The following DOK5 variants were observed in gnomAD, a reference collection of about 807,000 sequenced individuals.
The protein encoded by DOK5 is docking protein 5.
DOK5 carries 27 observed loss-of-function variants against 43.3 expected under a neutral mutation model. That is an observed-to-expected ratio of 0.62 (90% CI 0.46 to 0.86). The LOEUF (loss-of-function observed/expected upper bound fraction) is 0.86, where lower values mean the gene tolerates loss of function less well. DOK5 is among the 40% of genes least tolerant of loss of function. The pLI, the probability that DOK5 is intolerant of heterozygous loss-of-function variation, is 0.00. For synonymous variants in DOK5, 146 were observed against 140.1 expected (o/e 1.04, Z -0.30); for missense variants, 373 against 392.9 (o/e 0.95, Z 0.43).
intron 1 of DOK5, among the ~76,000 whole-genome samples, chr20:54,522,543 A>G (rs1983443182): frequency 6.8e-6 from 1 of 147,636 alleles, no homozygotes; most frequent in Non-Finnish European, 1.5e-5. Context: ...TTTTTGAGAC[A>G]GAGCCTCGCT....
intron 2 of DOK5, among the ~76,000 whole-genome samples, chr20:54,581,671 A>G (rs1370436111): frequency 6.6e-6 from 1 of 151,800 alleles, no homozygotes; most frequent in African/African-American, 2.4e-5. Context: ...TAATTTTCTT[A>G]ATTTTCTTTT....
At chr20:54,576,516 A>T (rs962042027) in intron 2 of DOK5, among the ~76,000 whole-genome samples, 1 of 152,220 alleles carries the variant, frequency 6.6e-6, no homozygotes, top group African/African-American at 2.4e-5. Context: ...GGCCATAATG[A>T]CCAGGAAGGG....
intron 2 of DOK5, among the ~76,000 whole-genome samples, chr20:54,559,578 C>T (rs564144649): frequency 3.2e-4 from 49 of 152,320 alleles, no homozygotes; most frequent in African/African-American, 1.1e-3. Context: ...GCAACTGCAA[C>T]GTTTATGGCC....
At chr20:54,592,680 A>T (rs751126910) in intron 5 of DOK5, among the ~76,000 whole-genome samples, 1 of 151,678 alleles carries the variant, frequency 6.6e-6, no homozygotes, top group Non-Finnish European at 1.5e-5. Context: ...AGCTGGGACT[A>T]CAGGTGCCCG....
intron 6 of DOK5, among the ~76,000 whole-genome samples, chr20:54,615,725 C>T (rs1159398073): frequency 1.3e-5 from 2 of 152,132 alleles, no homozygotes; most frequent in African/African-American, 4.8e-5. Context: ...GCCTGGCCAA[C>T]ATGGTGAAAC....
chr20:54,637,999 G>A (rs1978914547), intron 6 of DOK5, among the ~76,000 whole-genome samples: 1 of 151,988 alleles, frequency 6.6e-6, no homozygotes. Flanking sequence ...GCGGGCACCT[G>A]TAGTCCCAGT....
chr20:54,481,035 C>CTATCTATCATCTATCATCT (rs1256894022), intron 1 of DOK5, among the ~76,000 whole-genome samples: 1 of 119,436 alleles, frequency 8.4e-6, no homozygotes, highest in African/African-American at 4.1e-5. Flanking sequence ...ATCTATCTAT[C>CTATCTATCATCTATCATCT]ATCTATCTAT....
chr20:54,526,194 G>T (rs1271063792), intron 1 of DOK5, among the ~76,000 whole-genome samples: 2 of 150,862 alleles, frequency 1.3e-5, no homozygotes, highest in Non-Finnish European at 2.9e-5. Context: ...GTTTGATGAG[G>T]TCAGATTTCA....
chr20:54,631,218 G>A (rs1425727711), intron 6 of DOK5, among the ~76,000 whole-genome samples: 3 of 152,020 alleles, frequency 2.0e-5, no homozygotes, highest in Non-Finnish European at 4.4e-5. Context: ...AAAAATATTG[G>A]CCCTGGCAAC....
chr20:54,566,993 CTCTT>C (rs1440707867), intron 2 of DOK5, among the ~76,000 whole-genome samples: 1 of 151,846 alleles, frequency 6.6e-6, no homozygotes, highest in Non-Finnish European at 1.5e-5. Context: ...TATGAAATGT[CTCTT>C]TATGTATTTG....
chr20:54,577,722 C>T (rs1464748819), intron 2 of DOK5, among the ~76,000 whole-genome samples: 1 of 152,200 alleles, frequency 6.6e-6, no homozygotes, highest in Non-Finnish European at 1.5e-5. Flanking sequence ...GATTGATTGG[C>T]TGTGAGTGTA....
intron 1 of DOK5, among the ~76,000 whole-genome samples, chr20:54,488,449 C>T (rs1048195656): frequency 3.9e-5 from 6 of 152,126 alleles, no homozygotes; most frequent in South Asian, 2.1e-4. Context: ...TAGAACATCA[C>T]GTAATTTAAA....
chr20:54,529,305 A>G (rs1983683426), intron 1 of DOK5, among the ~76,000 whole-genome samples: 1 of 152,214 alleles, frequency 6.6e-6, no homozygotes, highest in African/African-American at 2.4e-5. Context: ...TGCAGTTTTA[A>G]TATTCTAAAC....
intron 1 of DOK5, among the ~76,000 whole-genome samples, chr20:54,476,449 G>A (rs377750961): frequency 7.9e-5 from 12 of 152,264 alleles, no homozygotes; most frequent in African/African-American, 2.9e-4. Flanking sequence ...TGTGAACGAG[G>A]TCACGAACCC....
rs371959416 is a variant in DOK5 at position 54,563,853 on chromosome 20, C to G, written c.174+8813C>G. Among the ~76,000 whole-genome samples, 147 of 152,060 alleles carry G rather than the reference C, an allele frequency of 9.7e-4. 1 individual carries two copies. In the South Asian group the frequency reaches 0.019, roughly 20 times the overall value. On this transcript the variant is annotated intron_variant, in intron 2 of 7. Coordinates refer to ENST00000262593, the MANE Select transcript of DOK5 (RefSeq NM_018431.5). ...ATAAGAAAGTATAAATTGAATATCTCTCCGGGTGATTGGCCTGAAAGCTGC... is the reference window on the plus strand; with the variant it reads ...ATAAGAAAGTATAAATTGAATATCTGTCCGGGTGATTGGCCTGAAAGCTGC...
At chr20:54,644,497 G>A (rs1423211401) in intron 7 of DOK5, among the ~76,000 whole-genome samples, 2 of 151,858 alleles carry the variant, frequency 1.3e-5, no homozygotes, top group African/African-American at 4.8e-5. Context: ...GAGGTCAGGA[G>A]ATCGAGACCA....
At chr20:54,548,658 T>C (rs186178339) in intron 1 of DOK5, among the ~76,000 whole-genome samples, 1 of 152,354 alleles carries the variant, frequency 6.6e-6, no homozygotes, top group African/African-American at 2.4e-5. Flanking sequence ...AACAATACTA[T>C]AGATGACAAG....
intron 6 of DOK5, among the ~76,000 whole-genome samples, chr20:54,624,728 A>G (rs1987084447): frequency 1.3e-5 from 2 of 152,252 alleles, no homozygotes; most frequent in South Asian, 4.1e-4. Flanking sequence ...TGTTTTATGC[A>G]TGTGGCTGAG....
At chr20:54,560,216 G>A (rs969085084) in intron 2 of DOK5, among the ~76,000 whole-genome samples, 1 of 152,114 alleles carries the variant, frequency 6.6e-6, no homozygotes, top group African/African-American at 2.4e-5. Flanking sequence ...CGATACAGCT[G>A]TCTATAATAT....
Sources: gnomAD v4.1 joint callset for allele counts (sites outside exome capture counted in the v4.1 genomes callset) on GRCh38, gnomAD v4.1.1 for gene constraint, MANE v1.5 for transcripts, NCBI Gene and HGNC (gene_info 2026-07-23, HGNC 2026-07-21) for gene names.